ELMOD1: variants seen among roughly 807,000 people sequenced by gnomAD.
The protein encoded by ELMOD1 is ELMO domain containing 1.
Under a neutral mutation model 46.7 loss-of-function variants are expected in ELMOD1, and 21 were observed. The observed-to-expected ratio is 0.45, with a 90% CI of 0.32 to 0.65. The LOEUF (loss-of-function observed/expected upper bound fraction) is 0.65. Ranked by LOEUF, ELMOD1 falls within the 30% of genes least tolerant of loss-of-function variation. The pLI, the probability that ELMOD1 is intolerant of heterozygous loss-of-function variation, is 0.04. For synonymous variants in ELMOD1, 122 were observed against 138.2 expected, an observed-to-expected ratio of 0.88 and a Z score of 0.82; for missense variants, 348 against 407.8, an observed-to-expected ratio of 0.85 and a Z score of 1.26.
chr11:107,599,798 CT>C (rs1200314847), intron 1 of ELMOD1, among the ~76,000 whole-genome samples: 2 of 144,090 alleles, frequency 1.4e-5, no homozygotes, highest in African/African-American at 5.2e-5. Flanking sequence ...TAACAGCATA[CT>C]GGGGACTCTC....
At chr11:107,606,405 A>G (rs1427848618) in intron 1 of ELMOD1, among the ~76,000 whole-genome samples, 1 of 152,204 alleles carries the variant, frequency 6.6e-6, no homozygotes, top group African/African-American at 2.4e-5. Context: ...TCCCTCAGAG[A>G]CGTGCTTCTG....
chr11:107,632,521 G>A (rs1432185495), intron 5 of ELMOD1, among the ~76,000 whole-genome samples: 1 of 152,108 alleles, frequency 6.6e-6, no homozygotes, highest in Admixed American at 6.5e-5. Flanking sequence ...CTATCTAGGG[G>A]CTCATCACAA....
rs185828127 is a variant in ELMOD1, at chr11:107,637,672, G to A, written c.420+1907G>A. Among the ~76,000 whole-genome samples, 8 of 150,320 alleles carry A rather than the reference G, an allele frequency of 5.3e-5. No homozygotes were observed. The East Asian group carries it at 1.6e-3, about 30-fold the overall frequency. On this transcript the variant is annotated intron_variant, in intron 6 of 11. Transcript: ENST00000265840. ...CGCACCACTGCACTCCAGCCTGGGT[G>A]ACAAAGCAAGACTCCATCTCAAAAC...
At position 107,600,795 on chromosome 11, in the gene ELMOD1, G is replaced by A. The variant is rs561525921; in HGVS notation, c.-86+9386G>A. On this transcript the variant is annotated intron_variant, in intron 1 of 11. Coordinates refer to ENST00000265840, the MANE Select transcript of ELMOD1 (RefSeq NM_018712.4). The stretch of plus-strand genomic sequence containing the variant: ...GTGTGGCCTGATGGATACTGTCCTA[G>A]AATGGCTTAGGTTTTGGGAATTCCT... 9.8e-5 allele frequency: 15 copies of A among 152,482 alleles called. No homozygotes were observed. The South Asian group carries it at 3.1e-3, about 32-fold the overall frequency. 9.4% of individuals were successfully genotyped at this position (152,482 alleles called of 1,614,324 possible). A position where few individuals can be genotyped will look rare whatever the true frequency, so the allele number is the denominator to read the frequency against.
At chr11:107,629,820 C>T (rs1866105372) in intron 2 of ELMOD1, among the ~76,000 whole-genome samples, 2 of 151,960 alleles carry the variant, frequency 1.3e-5, no homozygotes, top group Admixed American at 1.3e-4. Flanking sequence ...TCTGACAAGG[C>T]CAGGGAATGT....
Position 107,643,785 on chromosome 11 carries a change from C to G in ELMOD1, c.421-3683C>G, listed in dbSNP as rs763457209. The G allele has an allele frequency of 8.0e-6, 3 of 375,542 alleles. No individual in the cohort carries two copies. The East Asian group carries it at 2.0e-4, about 25-fold the overall frequency. 23.3% of individuals were successfully genotyped at this position (375,542 alleles called of 1,614,324 possible). A position where few individuals can be genotyped will look rare whatever the true frequency, so the allele number is the denominator to read the frequency against. ...GTTGCGTATACTGCTGAACAGCTAG[C>G]GTACTGTCCATTTCATCAAAAGAAT... On this transcript the variant is annotated intron_variant, in intron 6 of 11. Coordinates refer to ENST00000265840, the MANE Select transcript of ELMOD1 (RefSeq NM_018712.4).
Position 107,630,429 on chromosome 11 carries a change from G to C in ELMOD1, c.30G>C (p.Gln10His), listed in dbSNP as rs755528200. 2 of 1,599,604 alleles carry C rather than the reference G, an allele frequency of 1.3e-6. No individual in the cohort carries two copies. Among genetic ancestry groups the C allele is most frequent in the East Asian group, 2.2e-5 (1 of 44,610 alleles). MKHFLRMLIQVCLYFYCKFL... is the reference protein window; with the variant it reads MKHFLRMLIHVCLYFYCKFL... ...TTGTTTTTCACAGAATGTTGATCCA[G>C]GTATGCCTGTATTTTTACTGTAAAT... is the stretch of plus-strand genomic sequence containing the variant. The change falls in exon 3 of 12, where the codon CAG becomes CAC. Residue 10 changes from glutamine to histidine, a missense_variant. By Grantham distance (24) the Gln-to-His change is conservative (BLOSUM62 0). Coordinates refer to ENST00000265840, the MANE Select transcript of ELMOD1 (RefSeq NM_018712.4).
In ELMOD1 at chr11:107,631,399, C is replaced by CCG. The variant is rs1491028848; in HGVS notation, c.193-180_193-179insGC. On this transcript the variant is annotated intron_variant, in intron 4 of 11. Transcript: ENST00000265840. ...AAAGTTATCAGGAAAATTGCACTAC[C>CCG]CCCCCCCCCATCGTGAAAATGTCAA... is the stretch of plus-strand genomic sequence containing the variant. Among the ~76,000 whole-genome samples, 3 of 20,114 alleles carry CCG rather than the reference C, an allele frequency of 1.5e-4. No homozygotes were observed. The East Asian group carries it at 4.5e-3, about 30-fold the overall frequency. The allele number at this position is 20,114 out of a possible 152,430, so 13.2% of individuals were successfully genotyped here. A position where few individuals can be genotyped will look rare whatever the true frequency, so the allele number is the denominator to read the frequency against.
chr11:107,600,958 G>A (rs1021275721), intron 1 of ELMOD1: 12 of 151,820 alleles, frequency 7.9e-5, no homozygotes, highest in Non-Finnish European at 1.3e-4. Context: ...CCTCCATGTG[G>A]GCTAAAATCA....
chr11:107,643,463 G>T, intron 6 of ELMOD1: 1 of 297,106 alleles, frequency 3.4e-6, no homozygotes, highest in Non-Finnish European at 7.0e-6. Flanking sequence ...TACTAACCCT[G>T]CTGGGGAAAT....
chr11:107,659,702 GA>G, intron 11 of ELMOD1, among the ~76,000 whole-genome samples: 2 of 151,816 alleles, frequency 1.3e-5, no homozygotes, highest in African/African-American at 2.4e-5. Context: ...TGGATGGATG[GA>G]TGGATGGCTA....
intron 6 of ELMOD1, among the ~76,000 whole-genome samples, chr11:107,644,810 A>G (rs906332295): frequency 6.6e-6 from 1 of 152,136 alleles, no homozygotes; most frequent in Non-Finnish European, 1.5e-5. Context: ...GGGCCCTGAG[A>G]TGACTTCACA....
At chr11:107,596,537 A>G (rs1035539979) in intron 1 of ELMOD1, among the ~76,000 whole-genome samples, 2 of 152,156 alleles carry the variant, frequency 1.3e-5, no homozygotes, top group African/African-American at 4.8e-5. Context: ...TTTGCTTTAT[A>G]ATCCACTGAA....
At chr11:107,661,094 C>G (rs495123) in intron 11 of ELMOD1, among the ~76,000 whole-genome samples, 118,821 of 152,126 alleles carry the variant, frequency 0.78, 47,343 homozygotes, top group African/African-American at 0.94. Flanking sequence ...TGATTAAGAT[C>G]ATGTTACACA....
rs1865591059 is a variant in ELMOD1 at position 107,601,178 on chromosome 11, G to C, written c.-86+9769G>C. On this transcript the variant is annotated intron_variant, in intron 1 of 11. Transcript: ENST00000265840. ...GTTTCTTAGTATATTAAAAGTATCA[G>C]ATTTATTGATTTTCCACTACAGAAG... 4.6e-5 allele frequency among the ~76,000 whole-genome samples: 7 copies of C among 151,772 alleles called. No homozygotes were observed. In the South Asian group the frequency reaches 1.5e-3, roughly 31 times the overall value.
At chr11:107,623,886 T>C (rs962862478) in intron 2 of ELMOD1, 1 of 152,218 alleles carries the variant, frequency 6.6e-6, no homozygotes, top group Non-Finnish European at 1.5e-5. Context: ...TTTGGCTCTA[T>C]GAAGGAATAA....
intron 1 of ELMOD1, chr11:107,592,102 CT>C (rs1243430221): frequency 5.0e-5 from 19 of 382,480 alleles, no homozygotes; most frequent in East Asian, 2.8e-4. Flanking sequence ...GTTGTGGGTG[CT>C]TTTTTTTGTT....
intron 6 of ELMOD1, among the ~76,000 whole-genome samples, chr11:107,639,903 C>T (rs529983195): frequency 2.0e-5 from 3 of 152,352 alleles, no homozygotes; most frequent in East Asian, 3.9e-4. Flanking sequence ...CTTCCTAGTG[C>T]ATGACCTCAT....
intron 4 of ELMOD1, 140 bp downstream of exon 4, chr11:107,630,868 A>G: frequency 9.5e-6 from 8 of 844,394 alleles, no homozygotes; most frequent in Middle Eastern, 3.5e-4. Flanking sequence ...TCATTTGCCC[A>G]TTACAAACCA....
Sources: allele counts gnomAD v4.1 joint callset (sites outside exome capture counted in the v4.1 genomes callset), GRCh38; gene constraint gnomAD v4.1.1; transcripts MANE v1.5; gene names NCBI Gene and HGNC (gene_info 2026-07-23, HGNC 2026-07-21).